Variants in R3HDM2 observed in about 807,000 individuals in gnomAD.
The protein encoded by R3HDM2 is R3H domain-containing protein 2.
In R3HDM2, 38 loss-of-function variants were observed where a neutral mutation model predicts 124.5. The ratio of observed to expected loss-of-function variants is 0.31; its 90% CI spans 0.24 to 0.40. R3HDM2 has a LOEUF of 0.40. Among genes scored for constraint, R3HDM2 ranks in the 10% least tolerant of loss-of-function variants. The pLI is 1.00. For synonymous variants in R3HDM2, 391 were observed against 448.0 expected (o/e 0.87, Z 1.61); for missense variants, 869 against 1,236.9 (o/e 0.70, Z 4.46).
chr12:57,260,197 G>A (rs1446728515), intron 19 of R3HDM2, among the ~76,000 whole-genome samples: 6 of 139,578 alleles, frequency 4.3e-5, no homozygotes, highest in South Asian at 2.4e-4. Flanking sequence ...CTGGGAGGTC[G>A]AGGCTGCAGT....
rs369369141 is a variant in R3HDM2 at position 57,299,400 on chromosome 12, C to T, written c.373G>A (p.Asp125Asn). 6.1e-5 allele frequency: 95 copies of T among 1,548,766 alleles called. No homozygotes were observed. The East Asian group carries it at 1.0e-3, about 16-fold the overall frequency. The change falls in exon 6 of 24, where the codon GAC becomes AAC. Residue 125 changes from aspartate (D) to asparagine (N), a missense_variant. By Grantham distance (23) the Asp-to-Asn change is conservative. Transcript: ENST00000402412. ...ATCTTTTCTTTGTTTTTGTCCTTGT[C>T]TTCCTTTTCAGAGACATCTTTTGTG... ...KSTKDVSEKE[D>N]KDKNKEKIPR...
intron 2 of R3HDM2, among the ~76,000 whole-genome samples, chr12:57,348,983 C>T (rs1288826860): frequency 6.6e-6 from 1 of 152,084 alleles, no homozygotes; most frequent in Non-Finnish European, 1.5e-5. Flanking sequence ...GTACATAAAG[C>T]ATTAATGCAA....
At chr12:57,255,735 A>C (rs1256535363) in intron 23 of R3HDM2, among the ~76,000 whole-genome samples, 1 of 151,226 alleles carries the variant, frequency 6.6e-6, no homozygotes, top group African/African-American at 2.4e-5. Flanking sequence ...TAATTAGAAA[A>C]CTCTTTGTTA....
chr12:57,312,375 A>G (rs998832794), intron 2 of R3HDM2, among the ~76,000 whole-genome samples: 2 of 149,574 alleles, frequency 1.3e-5, no homozygotes, highest in African/African-American at 5.0e-5. Context: ...TGATGCGATC[A>G]TAGCTCACTG....
At chr12:57,394,071 T>G (rs2067122706) in intron 2 of R3HDM2, among the ~76,000 whole-genome samples, 1 of 151,698 alleles carries the variant, frequency 6.6e-6, no homozygotes, top group East Asian at 1.9e-4. Flanking sequence ...GAGGCCGAGG[T>G]GGGCTCCTGA....
Position 57,299,359 on chromosome 12 carries a change from C to G in R3HDM2, c.414G>C (p.Leu138=). The G allele has an allele frequency of 6.5e-7, 1 of 1,549,528 alleles. No individual in the cohort carries two copies. Among genetic ancestry groups the G allele is most frequent in the Non-Finnish European group, 8.7e-7 (1 of 1,144,618 alleles). ...KNKEKIPRKM[L]SRDSSQEYTD... is the part of the protein sequence containing the mutation. ...ATGGGAAAAACTCCTTACCTCTGGA[C>G]AGCATCTTCCTTGGGATCTTTTCTT... is the stretch of plus-strand genomic sequence containing the variant. The change falls in exon 6 of 24, where the codon CTG becomes CTC. Residue 138 remains leucine, a synonymous_variant. Transcript: ENST00000402412.
intron 1 of R3HDM2, among the ~76,000 whole-genome samples, chr12:57,409,983 T>C (rs979245115): frequency 3.3e-5 from 5 of 152,178 alleles, no homozygotes; most frequent in African/African-American, 1.2e-4. Context: ...TTCTTTTACA[T>C]TTACCATCTG....
At position 57,258,284 on chromosome 12, in the gene R3HDM2, C is replaced by G. The variant is rs1431487859; in HGVS notation, c.2302-147G>C. 8 of 462,206 alleles carry G rather than the reference C, an allele frequency of 1.7e-5. No individual in the cohort carries two copies. In the East Asian group the frequency reaches 2.9e-4, roughly 17 times the overall value. 28.6% of individuals were successfully genotyped at this position (462,206 alleles called of 1,614,324 possible). On this transcript the variant is annotated intron_variant, in intron 20 of 23. Transcript: ENST00000402412. ...GTCAGACTCTTCCTTCAAACTGCAACCTCAGTCCTTAATTCATTTATGCTA... is the reference window on the plus strand; with the variant it reads ...GTCAGACTCTTCCTTCAAACTGCAAGCTCAGTCCTTAATTCATTTATGCTA...
intron 1 of R3HDM2, among the ~76,000 whole-genome samples, chr12:57,426,295 C>T (rs1297823984): frequency 1.3e-5 from 2 of 152,098 alleles, no homozygotes; most frequent in African/African-American, 2.4e-5. Flanking sequence ...ATTTAGGGTG[C>T]CTGCTCCTTT....
chr12:57,348,710 AAAAAAAAAAAAG>A (rs1566281307), intron 2 of R3HDM2, among the ~76,000 whole-genome samples: 2 of 55,818 alleles, frequency 3.6e-5, no homozygotes, highest in African/African-American at 8.2e-5. Flanking sequence ...AAAAAAAAAA[AAAAAAAAAAAAG>A]AGAGAGAAAA....
At chr12:57,405,837 C>A (rs975062999) in intron 1 of R3HDM2, among the ~76,000 whole-genome samples, 1 of 152,046 alleles carries the variant, frequency 6.6e-6, no homozygotes, top group Non-Finnish European at 1.5e-5. Flanking sequence ...ATAAAAGGAA[C>A]CAGGATTTGG....
intron 2 of R3HDM2, among the ~76,000 whole-genome samples, chr12:57,362,739 CA>C (rs1213031443): frequency 2.0e-5 from 3 of 152,148 alleles, no homozygotes; most frequent in Non-Finnish European, 2.9e-5. Flanking sequence ...TTGTTTTGAA[CA>C]ATTATCTTTT....
intron 19 of R3HDM2, among the ~76,000 whole-genome samples, chr12:57,260,779 T>C (rs940806237): frequency 1.3e-5 from 2 of 152,204 alleles, no homozygotes; most frequent in African/African-American, 4.8e-5. Context: ...ATCAAATTGC[T>C]TCCTATGACG....
At chr12:57,292,038 T>A (rs2048762965) in intron 11 of R3HDM2, among the ~76,000 whole-genome samples, 1 of 152,248 alleles carries the variant, frequency 6.6e-6, no homozygotes, top group Non-Finnish European at 1.5e-5. Context: ...AGGTAGAGAC[T>A]GGAGAGAACA....
rs149985913 is a variant in R3HDM2, at chr12:57,329,535, C to G, written c.-35-19072G>C. Among the ~76,000 whole-genome samples the G allele has an allele frequency of 2.0e-3, 309 of 152,294 alleles. 3 individuals are homozygous for G. The highest frequency in any genetic ancestry group is 0.017 in the Middle Eastern group (5 of 294). On this transcript the variant is annotated intron_variant, in intron 2 of 23. Transcript: ENST00000402412. Reference sequence around the variant, plus strand: ...GTTGCTAAGTGAATACTAGTTCCCCCTAATCATTTTATAGTAAGAAGGGAG... The same window carrying G: ...GTTGCTAAGTGAATACTAGTTCCCCGTAATCATTTTATAGTAAGAAGGGAG...
rs139624586 is a variant in R3HDM2 at position 57,390,878 on chromosome 12, G to C, written c.-36+4871C>G. 2.3e-3 allele frequency among the ~76,000 whole-genome samples: 345 copies of C among 152,082 alleles called. 1 individual carries two copies. The highest frequency in any genetic ancestry group is 7.9e-3 in the African/African-American group (326 of 41,514). On this transcript the variant is annotated intron_variant, in intron 2 of 23. Coordinates refer to ENST00000402412, the MANE Select transcript of R3HDM2 (RefSeq NM_001394031.1). ...ATACAGGAAATTAGCCAGGTGTGGTGGTGGTTGCCTGTGATCCCAGCTTTT... is the reference window on the plus strand; with the variant it reads ...ATACAGGAAATTAGCCAGGTGTGGTCGTGGTTGCCTGTGATCCCAGCTTTT...
At chr12:57,358,498 T>A (rs755141307) in intron 2 of R3HDM2, among the ~76,000 whole-genome samples, 4 of 151,938 alleles carry the variant, frequency 2.6e-5, no homozygotes, top group African/African-American at 4.8e-5. Context: ...AATAAAAAAA[T>A]TAGCTGGGCA....
chr12:57,300,071 C>T, intron 5 of R3HDM2, 24 bp downstream of exon 5: 1 of 1,528,042 alleles, frequency 6.5e-7, no homozygotes, highest in African/African-American at 1.4e-5. Context: ...GCAAAAGCTA[C>T]ACTTACTCCT....
intron 2 of R3HDM2, among the ~76,000 whole-genome samples, chr12:57,322,944 C>G (rs1415353000): frequency 6.6e-6 from 1 of 152,124 alleles, no homozygotes. Context: ...CTTGTAAACT[C>G]TCATCTTTCC....
Sources: gnomAD v4.1 joint callset for allele counts (sites outside exome capture counted in the v4.1 genomes callset) on GRCh38, gnomAD v4.1.1 for gene constraint, MANE v1.5 for transcripts, NCBI Gene and HGNC (gene_info 2026-07-23, HGNC 2026-07-21) for gene names.